Variants in NRG3 observed in about 807,000 individuals in gnomAD.
NRG3 encodes pro-neuregulin-3, membrane-bound isoform.
A neutral mutation model predicts 66.9 loss-of-function variants in NRG3; 31 were observed. The ratio of observed to expected loss-of-function variants is 0.46; its 90% CI spans 0.35 to 0.63. The LOEUF (loss-of-function observed/expected upper bound fraction) is 0.63, where lower values mean the gene tolerates loss of function less well. Among genes scored for constraint, NRG3 ranks in the 20% least tolerant of loss-of-function variants. The probability of loss-of-function intolerance (pLI) is 0.00; values close to 1 mark genes in which losing one functional copy is unlikely to be tolerated. For missense variants in NRG3, 910 were observed against 878.9 expected, an observed-to-expected ratio of 1.04 and a Z score of -0.45; for synonymous variants, 393 against 359.4, an observed-to-expected ratio of 1.09 and a Z score of -1.06.
chr10:82,835,363 G>A (rs2062723414), intron 3 of NRG3, among the ~76,000 whole-genome samples: 1 of 152,100 alleles, frequency 6.6e-6, no homozygotes, highest in Non-Finnish European at 1.5e-5. Flanking sequence ...TTCACATTTG[G>A]TATATTCCCT....
rs530076570 is a variant in NRG3, at chr10:82,083,775, T to C, written c.823+207612T>C. ...ATGCCCGGCTAATGTTTTTTTTTGT[T>C]TTTTTTGTTTTTTGCATTTTTAATA... On this transcript the variant is annotated intron_variant, in intron 1 of 8. Coordinates refer to ENST00000372141, the MANE Select transcript of NRG3 (RefSeq NM_001010848.4). Among the ~76,000 whole-genome samples the C allele has an allele frequency of 2.7e-4, 41 of 151,188 alleles. 1 individual carries two copies. The South Asian group carries it at 7.6e-3, about 28-fold the overall frequency.
chr10:82,180,301 G>A (rs1036719880), intron 1 of NRG3, among the ~76,000 whole-genome samples: 15 of 151,830 alleles, frequency 9.9e-5, no homozygotes, highest in Non-Finnish European at 1.8e-4. Context: ...TGGCATGAGT[G>A]ACATCCTTGC....
At chr10:82,294,634 C>T (rs773285908) in intron 1 of NRG3, among the ~76,000 whole-genome samples, 2 of 152,140 alleles carry the variant, frequency 1.3e-5, no homozygotes, top group African/African-American at 4.8e-5. Context: ...TCTGCATCAG[C>T]GTTATATGCC....
chr10:82,485,055 A>G (rs1842571708), intron 2 of NRG3, among the ~76,000 whole-genome samples: 1 of 152,160 alleles, frequency 6.6e-6, no homozygotes, highest in Admixed American at 6.5e-5. Context: ...TATGAACAAG[A>G]TAATATGTTT....
intron 1 of NRG3, among the ~76,000 whole-genome samples, chr10:82,222,794 A>G (rs904556260): frequency 5.3e-5 from 8 of 152,132 alleles, no homozygotes; most frequent in East Asian, 3.9e-4. Context: ...GTTGGCATCA[A>G]TCTGGCTCTT....
intron 3 of NRG3, among the ~76,000 whole-genome samples, chr10:82,785,087 G>A (rs187893249): frequency 0.031 from 4,629 of 151,742 alleles, 225 homozygotes; most frequent in African/African-American, 0.1. Flanking sequence ...CATCATTCTC[G>A]GTAAACTATC....
intron 1 of NRG3, among the ~76,000 whole-genome samples, chr10:82,300,616 C>T (rs561796910): frequency 1.3e-5 from 2 of 152,190 alleles, no homozygotes; most frequent in South Asian, 2.1e-4. Context: ...ATTTGTTTTG[C>T]CCTGTTTGCC....
intron 1 of NRG3, among the ~76,000 whole-genome samples, chr10:82,154,949 G>T (rs559346718): frequency 1.3e-5 from 2 of 151,714 alleles, no homozygotes; most frequent in African/African-American, 4.8e-5. Context: ...ACAACTTTAG[G>T]TGAACACTTT....
intron 1 of NRG3, among the ~76,000 whole-genome samples, chr10:82,121,437 A>G (rs1048331381): frequency 6.6e-6 from 1 of 152,164 alleles, no homozygotes; most frequent in African/African-American, 2.4e-5. Flanking sequence ...GAATTCAGGA[A>G]CATACCCTAC....
chr10:82,361,195 C>G (rs993627317), intron 2 of NRG3, among the ~76,000 whole-genome samples: 1 of 152,028 alleles, frequency 6.6e-6, no homozygotes, highest in African/African-American at 2.4e-5. Flanking sequence ...AGATATATAC[C>G]TATAGTTTAA....
chr10:82,977,326 G>A (rs959247004), intron 7 of NRG3, among the ~76,000 whole-genome samples: 4 of 151,844 alleles, frequency 2.6e-5, no homozygotes, highest in Non-Finnish European at 4.4e-5. Context: ...GAAGGTATAG[G>A]GGCTAGGCAC....
chr10:82,275,055 A>G (rs776702240), intron 1 of NRG3, among the ~76,000 whole-genome samples: 1 of 152,054 alleles, frequency 6.6e-6, no homozygotes, highest in Non-Finnish European at 1.5e-5. Context: ...AGTTTCCTAT[A>G]TGGTGAAAAA....
At chr10:82,245,756 C>A (rs2077207552) in intron 1 of NRG3, among the ~76,000 whole-genome samples, 1 of 152,086 alleles carries the variant, frequency 6.6e-6, no homozygotes, top group Non-Finnish European at 1.5e-5. Context: ...TGAATTTAAC[C>A]ACACAGGAAT....
chr10:82,869,422 G>C (rs1049372662), intron 4 of NRG3, among the ~76,000 whole-genome samples: 36 of 151,914 alleles, frequency 2.4e-4, no homozygotes, highest in Admixed American at 2.2e-3. Context: ...GTTCATTCTT[G>C]ATGCTATACT....
At chr10:81,971,783 G>C (rs183555048) in intron 1 of NRG3, among the ~76,000 whole-genome samples, 1 of 152,306 alleles carries the variant, frequency 6.6e-6, no homozygotes, top group East Asian at 1.9e-4. Context: ...ATGGTGGCTA[G>C]AATGCACAGG....
chr10:82,079,630 T>C (rs944579312), intron 1 of NRG3, among the ~76,000 whole-genome samples: 1 of 152,182 alleles, frequency 6.6e-6, no homozygotes, highest in African/African-American at 2.4e-5. Context: ...TATTCATCCC[T>C]CTCCACCCCC....
At chr10:82,066,081 T>C (rs1035545487) in intron 1 of NRG3, among the ~76,000 whole-genome samples, 53 of 152,322 alleles carry the variant, frequency 3.5e-4, no homozygotes, top group African/African-American at 1.1e-3. Context: ...GTATGTATTT[T>C]GTTTCATTTT....
intron 1 of NRG3, among the ~76,000 whole-genome samples, chr10:81,920,316 C>T (rs1172673825): frequency 6.6e-6 from 1 of 152,148 alleles, no homozygotes; most frequent in African/African-American, 2.4e-5. Flanking sequence ...AAAGAAAATT[C>T]GAAGGGTTCC....
chr10:82,636,490 T>C (rs1192901944), intron 2 of NRG3, among the ~76,000 whole-genome samples: 1 of 152,170 alleles, frequency 6.6e-6, no homozygotes, highest in African/African-American at 2.4e-5. Context: ...TGATGAGATG[T>C]TCACATATAA....
Sources: gnomAD v4.1 joint callset for allele counts (sites outside exome capture counted in the v4.1 genomes callset) on GRCh38, gnomAD v4.1.1 for gene constraint, MANE v1.5 for transcripts, NCBI Gene and HGNC (gene_info 2026-07-23, HGNC 2026-07-21) for gene names.